Variants in EBF1 observed in about 807,000 individuals in gnomAD.
EBF1 encodes the protein transcription factor COE1.
Under a neutral mutation model 68.4 loss-of-function variants are expected in EBF1, and 10 were observed. That is an observed-to-expected ratio of 0.15 (90% CI 0.09 to 0.25). The LOEUF (loss-of-function observed/expected upper bound fraction) is 0.25. Ranked by LOEUF, EBF1 falls within the 10% of genes least tolerant of loss-of-function variation. EBF1 has a pLI of 1.00. For missense variants in EBF1, 509 were observed against 794.4 expected, an observed-to-expected ratio of 0.64 and a Z score of 4.32; for synonymous variants, 298 against 299.8, an observed-to-expected ratio of 0.99 and a Z score of 0.06.
At chr5:158,883,043 A>C (rs1050789420) in intron 6 of EBF1, among the ~76,000 whole-genome samples, 3 of 152,114 alleles carry the variant, frequency 2.0e-5, no homozygotes, top group African/African-American at 7.2e-5. Context: ...ACAATCCCCA[A>C]GCCCATAAAA....
chr5:158,845,298 A>G (rs1791233389), intron 6 of EBF1, among the ~76,000 whole-genome samples: 1 of 152,200 alleles, frequency 6.6e-6, no homozygotes, highest in Admixed American at 6.5e-5. Context: ...TCATTAAAAC[A>G]TGAGAATAAT....
intron 10 of EBF1, among the ~76,000 whole-genome samples, chr5:158,773,470 T>G (rs993948779): frequency 6.6e-6 from 1 of 152,144 alleles, no homozygotes; most frequent in Non-Finnish European, 1.5e-5. Flanking sequence ...ATCTGATAAG[T>G]GACCTAACCA....
chr5:158,856,560 C>T (rs1425487645), intron 6 of EBF1, among the ~76,000 whole-genome samples: 1 of 152,082 alleles, frequency 6.6e-6, no homozygotes, highest in East Asian at 1.9e-4. Context: ...AGTAGCCTAA[C>T]TGAATACTTT....
intron 14 of EBF1, 40 bp from the exon 15 acceptor site, chr5:158,708,213 A>G: frequency 6.5e-7 from 1 of 1,542,104 alleles, no homozygotes; most frequent in Non-Finnish European, 8.8e-7. Flanking sequence ...AGTGCCTTTC[A>G]TGGCATCCTG....
intron 7 of EBF1, among the ~76,000 whole-genome samples, chr5:158,828,371 A>C (rs1786686521): frequency 6.6e-6 from 1 of 152,182 alleles, no homozygotes; most frequent in Admixed American, 6.5e-5. Context: ...ATTACTTTAA[A>C]ATGAGGCCAT....
intron 6 of EBF1, among the ~76,000 whole-genome samples, chr5:158,962,374 C>A (rs941778051): frequency 6.6e-6 from 1 of 152,040 alleles, no homozygotes; most frequent in African/African-American, 2.4e-5. Flanking sequence ...GGGACCGAGG[C>A]AAGCAGAGGA....
intron 6 of EBF1, among the ~76,000 whole-genome samples, chr5:158,944,332 T>C (rs1480908302): frequency 6.6e-6 from 1 of 152,168 alleles, no homozygotes; most frequent in Non-Finnish European, 1.5e-5. Context: ...GCTTTTTTGT[T>C]CCTGTGTTAG....
At chr5:158,906,356 T>G (rs1804616543) in intron 6 of EBF1, among the ~76,000 whole-genome samples, 4 of 149,334 alleles carry the variant, frequency 2.7e-5, no homozygotes. Flanking sequence ...AATGAGACAT[T>G]TCGGAACCAA....
intron 6 of EBF1, among the ~76,000 whole-genome samples, chr5:158,981,905 G>A (rs1757974048): frequency 6.6e-6 from 1 of 152,206 alleles, no homozygotes; most frequent in Middle Eastern, 3.4e-3. Context: ...TAGCAAAACA[G>A]CATTGACTAA....
At chr5:159,041,653 C>T (rs1389205031) in intron 6 of EBF1, among the ~76,000 whole-genome samples, 2 of 152,180 alleles carry the variant, frequency 1.3e-5, no homozygotes, top group African/African-American at 2.4e-5. Context: ...CAGAGGTTGA[C>T]ATTCAGCACA....
At chr5:158,875,500 CT>C in intron 6 of EBF1, among the ~76,000 whole-genome samples, 1 of 152,292 alleles carries the variant, frequency 6.6e-6, no homozygotes, top group South Asian at 2.1e-4. Flanking sequence ...CCTGTAATCC[CT>C]GCTTTCACTA....
At chr5:159,095,478 G>T in intron 4 of EBF1, 142 bp downstream of exon 4, 2 of 840,654 alleles carry the variant, frequency 2.4e-6, no homozygotes, top group Non-Finnish European at 1.9e-6. Context: ...GACACTGGAA[G>T]GCCGTGCAAG....
At chr5:158,976,675 C>T (rs1046610889) in intron 6 of EBF1, among the ~76,000 whole-genome samples, 8 of 152,106 alleles carry the variant, frequency 5.3e-5, no homozygotes, top group Non-Finnish European at 1.2e-4. Flanking sequence ...AGTATAAACC[C>T]ATAAAATGTA....
chr5:158,860,826 C>A (rs1017872745), intron 6 of EBF1, among the ~76,000 whole-genome samples: 1 of 152,144 alleles, frequency 6.6e-6, no homozygotes, highest in Non-Finnish European at 1.5e-5. Flanking sequence ...TGCCTCAGAA[C>A]TCTGATATCG....
rs531101843 is a variant in EBF1 at position 158,736,558 on chromosome 5, T to G, written c.1037-5401A>C. On this transcript the variant is annotated intron_variant, in intron 10 of 15. Transcript: ENST00000313708. Reference sequence around the variant, plus strand: ...TTGCCATTTAATGTCCAAACAAATATCTAGACTCTATGCCAAGTAATAAAT... The same window carrying G: ...TTGCCATTTAATGTCCAAACAAATAGCTAGACTCTATGCCAAGTAATAAAT... 2.0e-5 allele frequency among the ~76,000 whole-genome samples: 3 copies of G among 152,310 alleles called. No homozygotes were observed. The South Asian group carries it at 6.2e-4, about 32-fold the overall frequency.
At chr5:159,068,987 A>G (rs1186133426) in intron 6 of EBF1, among the ~76,000 whole-genome samples, 4 of 152,096 alleles carry the variant, frequency 2.6e-5, no homozygotes, top group African/African-American at 7.2e-5. Context: ...AAATGGGGGA[A>G]AAAGGCATGG....
At chr5:158,790,346 C>T (rs748846417) in intron 9 of EBF1, among the ~76,000 whole-genome samples, 2 of 152,208 alleles carry the variant, frequency 1.3e-5, no homozygotes, top group Non-Finnish European at 2.9e-5. Flanking sequence ...CTGGTCTAAT[C>T]TGAATGATAT....
intron 6 of EBF1, among the ~76,000 whole-genome samples, chr5:158,860,269 A>G (rs1402535272): frequency 6.6e-6 from 1 of 152,244 alleles, no homozygotes; most frequent in East Asian, 1.9e-4. Flanking sequence ...GGTAGACACT[A>G]TCAATAGTCC....
At chr5:158,947,938 A>G (rs1815136196) in intron 6 of EBF1, among the ~76,000 whole-genome samples, 1 of 152,216 alleles carries the variant, frequency 6.6e-6, no homozygotes, top group South Asian at 2.1e-4. Context: ...CTTTTAAAGC[A>G]CTAGTTCTCT....
Sources: gnomAD v4.1 joint callset for allele counts (sites outside exome capture counted in the v4.1 genomes callset) on GRCh38, gnomAD v4.1.1 for gene constraint, MANE v1.5 for transcripts, NCBI Gene and HGNC (gene_info 2026-07-23, HGNC 2026-07-21) for gene names.